The following AATF variants were observed in gnomAD, a reference collection of about 807,000 sequenced individuals.
AATF encodes the protein protein AATF.
A neutral mutation model predicts 63.7 loss-of-function variants in AATF; 48 were observed. The ratio of observed to expected loss-of-function variants is 0.75; its 90% CI spans 0.60 to 0.96. AATF has a LOEUF of 0.96. Among genes scored for constraint, AATF ranks in the 40% least tolerant of loss-of-function variants. The pLI is 0.00. For synonymous variants in AATF, 258 were observed against 247.7 expected (o/e 1.04, Z -0.39); for missense variants, 639 against 685.7 (o/e 0.93, Z 0.76).
chr17:37,046,497 G>C (rs963746957), intron 11 of AATF, among the ~76,000 whole-genome samples: 1 of 152,150 alleles, frequency 6.6e-6, no homozygotes, highest in Non-Finnish European at 1.5e-5. Context: ...CGGTTCCTCT[G>C]TGTCCCCTGA....
At chr17:37,046,286 G>A (rs184440133) in intron 11 of AATF, among the ~76,000 whole-genome samples, 3 of 152,222 alleles carry the variant, frequency 2.0e-5, no homozygotes, top group Non-Finnish European at 2.9e-5. Context: ...TCCTTCACGC[G>A]GAGGAGACCA....
At chr17:37,050,706 T>G (rs1312395053) in intron 11 of AATF, among the ~76,000 whole-genome samples, 2 of 152,196 alleles carry the variant, frequency 1.3e-5, no homozygotes, top group African/African-American at 4.8e-5. Flanking sequence ...GCCTGCCGTG[T>G]GCTTTCTTCT....
At chr17:37,021,406 A>G (rs2071469048) in intron 10 of AATF, among the ~76,000 whole-genome samples, 1 of 152,194 alleles carries the variant, frequency 6.6e-6, no homozygotes, top group African/African-American at 2.4e-5. Context: ...AGGTGGGCAG[A>G]TCACTTGAGG....
At chr17:36,968,584 C>G (rs1485793729) in intron 4 of AATF, among the ~76,000 whole-genome samples, 1 of 151,714 alleles carries the variant, frequency 6.6e-6, no homozygotes, top group Non-Finnish European at 1.5e-5. Context: ...CCTCTTCTAT[C>G]ATATTTTTAT....
At chr17:37,056,499 C>T in intron 11 of AATF, 102 bp from the exon 12 acceptor site, 1 of 1,221,522 alleles carries the variant, frequency 8.2e-7, no homozygotes, top group Non-Finnish European at 1.2e-6. Context: ...GCTGTGTTTT[C>T]AACAGAAGAA....
chr17:37,046,192 G>C (rs955104206), intron 11 of AATF, among the ~76,000 whole-genome samples: 1 of 152,178 alleles, frequency 6.6e-6, no homozygotes, highest in African/African-American at 2.4e-5. Context: ...TAGGAGAAAT[G>C]GTAGCTTGGG....
rs1439976128 is a variant in AATF at position 36,952,902 on chromosome 17, T to C, written c.300T>C (p.Asp100=). Residue 100 remains aspartate, a synonymous_variant, in exon 3 of 12, where the codon GAT becomes GAC. Coordinates refer to ENST00000619387, the MANE Select transcript of AATF (RefSeq NM_012138.4). ...TCTTTGTAGATGAGGAAATATCTGA[T>C]GAGGAAGGGTCTGGAGATGAAGATT... ...LPGSSDEEIS[D]EEGSGDEDSE... The C allele has an allele frequency of 6.2e-7, 1 of 1,613,204 alleles. No homozygotes were observed. The highest frequency in any genetic ancestry group is 8.5e-7 in the Non-Finnish European group (1 of 1,179,428).
chr17:36,980,910 T>G (rs2071118320), intron 4 of AATF, among the ~76,000 whole-genome samples: 1 of 151,884 alleles, frequency 6.6e-6, no homozygotes, highest in South Asian at 2.1e-4. Flanking sequence ...TTTTTTTTTT[T>G]TTTTTTGGTG....
At chr17:37,039,689 G>T (rs950929774) in intron 11 of AATF, among the ~76,000 whole-genome samples, 1 of 152,114 alleles carries the variant, frequency 6.6e-6, no homozygotes, top group Non-Finnish European at 1.5e-5. Context: ...GCCTTCTTTC[G>T]CCAGTAATGT....
chr17:36,955,149 T>C (rs2070889220), intron 4 of AATF, among the ~76,000 whole-genome samples: 1 of 152,198 alleles, frequency 6.6e-6, no homozygotes, highest in African/African-American at 2.4e-5. Flanking sequence ...ATTTTTTTAG[T>C]ATCATGGAGT....
At chr17:36,954,012 C>G (rs934257977) in intron 4 of AATF, 105 bp downstream of exon 4, 1 of 1,158,606 alleles carries the variant, frequency 8.6e-7, no homozygotes, top group Admixed American at 2.5e-5. Flanking sequence ...ATTGTGCTTT[C>G]TTCTCATCTG....
intron 4 of AATF, among the ~76,000 whole-genome samples, chr17:36,977,325 A>C (rs562026935): frequency 6.6e-6 from 1 of 152,296 alleles, no homozygotes; most frequent in Non-Finnish European, 1.5e-5. Flanking sequence ...CGATATGAAG[A>C]ATCCTGAGAG....
At chr17:36,985,686 G>A (rs2071163390) in intron 4 of AATF, among the ~76,000 whole-genome samples, 1 of 151,906 alleles carries the variant, frequency 6.6e-6, no homozygotes, top group Admixed American at 6.6e-5. Context: ...TGGGATTACA[G>A]CCACCCACCA....
At chr17:36,958,753 C>A (rs1231022698) in intron 4 of AATF, among the ~76,000 whole-genome samples, 1 of 152,188 alleles carries the variant, frequency 6.6e-6, no homozygotes, top group African/African-American at 2.4e-5. Flanking sequence ...AATACACATT[C>A]TCTCATCAGT....
intron 11 of AATF, among the ~76,000 whole-genome samples, chr17:37,033,219 G>C (rs2071565137): frequency 6.6e-6 from 1 of 152,134 alleles, no homozygotes; most frequent in African/African-American, 2.4e-5. Context: ...TGAATGTCTA[G>C]ATATGGCCAT....
At chr17:37,013,941 T>C (rs1225846666) in intron 8 of AATF, among the ~76,000 whole-genome samples, 1 of 152,124 alleles carries the variant, frequency 6.6e-6, no homozygotes, top group Non-Finnish European at 1.5e-5. Flanking sequence ...GGAGACCTCA[T>C]CCTAGAGCTC....
At chr17:36,990,899 A>G in intron 8 of AATF, 42 bp downstream of exon 8, 1 of 1,390,728 alleles carries the variant, frequency 7.2e-7, no homozygotes. Flanking sequence ...ATGTTTTAGC[A>G]TTTTAAAGCA....
At chr17:37,035,167 A>G (rs1472814982) in intron 11 of AATF, among the ~76,000 whole-genome samples, 3 of 152,036 alleles carry the variant, frequency 2.0e-5, no homozygotes, top group Non-Finnish European at 2.9e-5. Flanking sequence ...GCCAAAAACC[A>G]TAAGCACTTT....
chr17:36,964,897 C>A (rs1416707558), intron 4 of AATF, among the ~76,000 whole-genome samples: 1 of 152,034 alleles, frequency 6.6e-6, no homozygotes, highest in African/African-American at 2.4e-5. Context: ...TTGGGCCTTT[C>A]ATTGCTCTTC....
Sources: gnomAD v4.1 joint callset for allele counts (sites outside exome capture counted in the v4.1 genomes callset) on GRCh38, gnomAD v4.1.1 for gene constraint, MANE v1.5 for transcripts, NCBI Gene and HGNC (gene_info 2026-07-23, HGNC 2026-07-21) for gene names.